Variants in NBEA observed in about 807,000 individuals in gnomAD.
NBEA encodes lysosomal-trafficking regulator 2.
In NBEA, 44 loss-of-function variants were observed where a neutral mutation model predicts 343.4. The ratio of observed to expected loss-of-function variants is 0.13; its 90% CI spans 0.10 to 0.16. The LOEUF is 0.16. Among genes scored for constraint, NBEA ranks in the 10% least tolerant of loss-of-function variants. The pLI, the probability that NBEA is intolerant of heterozygous loss-of-function variation, is 1.00. For missense variants in NBEA, 2,555 were observed against 3,631.3 expected (o/e 0.70, Z 7.62); for synonymous variants, 1,175 against 1,238.7 (o/e 0.95, Z 1.08).
intron 18 of NBEA, among the ~76,000 whole-genome samples, chr13:35,145,150 G>C (rs968334087): frequency 3.3e-5 from 5 of 152,160 alleles, no homozygotes; most frequent in Non-Finnish European, 7.4e-5. Context: ...AAAGCCTCTT[G>C]TTGTTTCCTT....
In NBEA at chr13:35,510,048, C is replaced by T. The variant is rs1034312455; in HGVS notation, c.6585+37512C>T. Reference sequence around the variant, plus strand: ...TATGAAATTCTGAGGAAGATTTTTCCTTATAGCCACTAACTGTTTATTAAT... The same window carrying T: ...TATGAAATTCTGAGGAAGATTTTTCTTTATAGCCACTAACTGTTTATTAAT... On this transcript the variant is annotated intron_variant, in intron 41 of 58. Transcript: ENST00000379939. Among the ~76,000 whole-genome samples, 5 of 152,198 alleles carry T rather than the reference C, an allele frequency of 3.3e-5. No individual in the cohort carries two copies. The South Asian group carries it at 6.2e-4, about 19-fold the overall frequency.
chr13:34,992,697 G>A (rs892868237), intron 1 of NBEA, among the ~76,000 whole-genome samples: 1 of 151,518 alleles, frequency 6.6e-6, no homozygotes, highest in Non-Finnish European at 1.5e-5. Context: ...TTTTGAGACG[G>A]AGTCTTGCTC....
intron 36 of NBEA, among the ~76,000 whole-genome samples, chr13:35,335,017 G>T (rs1474224783): frequency 6.6e-6 from 1 of 152,140 alleles, no homozygotes; most frequent in African/African-American, 2.4e-5. Context: ...AATCCATTTT[G>T]ATTTGATTTT....
At chr13:35,205,988 G>T (rs751390966) in intron 31 of NBEA, among the ~76,000 whole-genome samples, 1 of 151,958 alleles carries the variant, frequency 6.6e-6, no homozygotes, top group Non-Finnish European at 1.5e-5. Context: ...TCTAACCCGG[G>T]TCTGTAGGGT....
chr13:35,447,490 TTA>T (rs138285284), intron 39 of NBEA, among the ~76,000 whole-genome samples: 6 of 150,702 alleles, frequency 4.0e-5, no homozygotes, highest in Non-Finnish European at 5.9e-5. Context: ...ATACAGAGCT[TTA>T]TATATATATA....
chr13:35,180,085 C>T (rs2071209328), intron 28 of NBEA, among the ~76,000 whole-genome samples: 1 of 151,654 alleles, frequency 6.6e-6, no homozygotes, highest in Non-Finnish European at 1.5e-5. Flanking sequence ...GTCTTATTTG[C>T]TTTTTGCCTG....
chr13:34,995,423 G>GAAAAAAAAAAAAAAAGAAAAAAAA (rs35718599), intron 1 of NBEA, among the ~76,000 whole-genome samples: 1 of 143,642 alleles, frequency 7.0e-6, no homozygotes. Flanking sequence ...CCTGTCTCAA[G>GAAAAAAAAAAAAAAAGAAAAAAAA]AAAAAAAAAA....
At position 35,664,842 on chromosome 13, in the gene NBEA, G is replaced by A. The variant is rs530212903; in HGVS notation, c.8363-243G>A. On this transcript the variant is annotated intron_variant, in intron 55 of 58. Coordinates refer to ENST00000379939, the MANE Select transcript of NBEA (RefSeq NM_001385012.1). ...GAATAGCCATTACCACTCTCGTTAC[G>A]TTCTAAGCATGTTACATACGTTAAC... is the stretch of plus-strand genomic sequence containing the variant. Among the ~76,000 whole-genome samples, 5 of 152,306 alleles carry A rather than the reference G, an allele frequency of 3.3e-5. No individual in the cohort carries two copies. In the South Asian group the frequency reaches 1.0e-3, roughly 32 times the overall value.
chr13:35,658,714 GA>G (rs903524278), intron 55 of NBEA, among the ~76,000 whole-genome samples: 5 of 152,248 alleles, frequency 3.3e-5, no homozygotes, highest in African/African-American at 4.8e-5. Flanking sequence ...TGATGATTAT[GA>G]AAAAAACTGG....
chr13:35,402,565 G>T (rs1207010502), intron 38 of NBEA, among the ~76,000 whole-genome samples: 1 of 152,108 alleles, frequency 6.6e-6, no homozygotes, highest in Non-Finnish European at 1.5e-5. Flanking sequence ...ACCACACAGT[G>T]TGGAGAGTTT....
At chr13:35,211,881 A>C (rs913319643) in intron 33 of NBEA, among the ~76,000 whole-genome samples, 1 of 152,086 alleles carries the variant, frequency 6.6e-6, no homozygotes. Flanking sequence ...ATAAATCTAC[A>C]ATGTTATATA....
intron 1 of NBEA, among the ~76,000 whole-genome samples, chr13:35,037,007 T>A (rs555159369): frequency 6.6e-6 from 1 of 152,282 alleles, no homozygotes; most frequent in Admixed American, 6.5e-5. Context: ...TCTGTTTCTT[T>A]ACCTCCTTTT....
At chr13:35,422,610 T>C (rs568618032) in intron 38 of NBEA, among the ~76,000 whole-genome samples, 4 of 152,240 alleles carry the variant, frequency 2.6e-5, no homozygotes, top group South Asian at 4.1e-4. Flanking sequence ...AATTAACATA[T>C]GTGTGCATGT....
chr13:35,044,970 G>C lies in NBEA; in HGVS notation c.550G>C (p.Val184Leu). ...IADLLVDMLG[V>L]LASYSITVKE... ...AGATCTTCTAGTTGATATGTTGGGG[G>C]TTCTTGCCAGCTACAGCATCACTGT... The change falls in exon 3 of 59, where the codon GTT (valine) becomes CTT (leucine). Residue 184 changes from valine to leucine, a missense_variant. Physicochemically the swap from Val to Leu is conservative, Grantham distance 32. Coordinates refer to ENST00000379939, the MANE Select transcript of NBEA (RefSeq NM_001385012.1). The C allele has an allele frequency of 6.2e-7, 1 of 1,611,206 alleles. No individual in the cohort carries two copies. The highest frequency in any genetic ancestry group is 8.5e-7 in the Non-Finnish European group (1 of 1,178,520).
rs1410786227 is a variant in NBEA, at chr13:35,276,970, A to C, written c.5777-13419A>C. On this transcript the variant is annotated intron_variant, in intron 34 of 58. Transcript: ENST00000379939. Reference sequence around the variant, plus strand: ...TAAAGAAAACTTTAGAGAACGGTTTACTTTTTCCTTCTGTTTTAACAGAGT... The same window carrying C: ...TAAAGAAAACTTTAGAGAACGGTTTCCTTTTTCCTTCTGTTTTAACAGAGT... Among the ~76,000 whole-genome samples, 3 of 152,160 alleles carry C rather than the reference A, an allele frequency of 2.0e-5. No homozygotes were observed. The East Asian group carries it at 5.8e-4, about 29-fold the overall frequency.
intron 10 of NBEA, among the ~76,000 whole-genome samples, chr13:35,084,094 G>C (rs900065406): frequency 6.6e-6 from 1 of 152,090 alleles, no homozygotes; most frequent in African/African-American, 2.4e-5. Context: ...TAGAGACCTA[G>C]AAAGAGACTT....
chr13:35,144,296 G>A (rs888335457), intron 18 of NBEA, among the ~76,000 whole-genome samples: 2 of 152,052 alleles, frequency 1.3e-5, no homozygotes, highest in Admixed American at 6.6e-5. Flanking sequence ...ACAGTAAAAG[G>A]GTAGATATTT....
At chr13:35,132,730 A>T (rs182137968) in intron 17 of NBEA, among the ~76,000 whole-genome samples, 325 of 152,214 alleles carry the variant, frequency 2.1e-3, no homozygotes, top group Non-Finnish European at 3.7e-3. Context: ...TAGCAATGGG[A>T]GTGGGAATTA....
intron 38 of NBEA, among the ~76,000 whole-genome samples, chr13:35,360,176 A>G (rs2040730287): frequency 6.6e-6 from 1 of 152,030 alleles, no homozygotes. Flanking sequence ...TGATTATTGT[A>G]TTGATTATAA....
Sources: allele counts gnomAD v4.1 joint callset (sites outside exome capture counted in the v4.1 genomes callset), GRCh38; gene constraint gnomAD v4.1.1; transcripts MANE v1.5; gene names NCBI Gene and HGNC (gene_info 2026-07-23, HGNC 2026-07-21).